NFIB: variants seen among roughly 807,000 people sequenced by gnomAD.
NFIB encodes the protein nuclear factor 1 B-type.
In NFIB, 11 loss-of-function variants were observed where a neutral mutation model predicts 61.5. That is an observed-to-expected ratio of 0.18 (90% confidence interval 0.11 to 0.30). The LOEUF (loss-of-function observed/expected upper bound fraction) is 0.30, where lower values mean the gene tolerates loss of function less well. Ranked by LOEUF, NFIB falls within the 10% of genes least tolerant of loss-of-function variation. The probability of loss-of-function intolerance (pLI) is 1.00; values close to 1 mark genes in which losing one functional copy is unlikely to be tolerated. For synonymous variants in NFIB, 260 were observed against 216.5 expected, an observed-to-expected ratio of 1.20 and a Z score of -1.76; for missense variants, 471 against 608.9, an observed-to-expected ratio of 0.77 and a Z score of 2.38.
intron 2 of NFIB, chr9:14,204,692 A>G (rs1430747110): frequency 8.1e-6 from 5 of 620,262 alleles, no homozygotes; most frequent in Non-Finnish European, 1.4e-5. Flanking sequence ...GGTGTAGAAT[A>G]AGAAAGCTCA....
At chr9:14,184,436 A>G (rs1293843299) in intron 2 of NFIB, among the ~76,000 whole-genome samples, 3 of 152,176 alleles carry the variant, frequency 2.0e-5, no homozygotes, top group South Asian at 2.1e-4. Flanking sequence ...GTTGGAAGCA[A>G]TTATTAGTAT....
intron 10 of NFIB, among the ~76,000 whole-genome samples, chr9:14,089,596 T>C (rs2033525611): frequency 6.6e-6 from 1 of 152,076 alleles, no homozygotes; most frequent in Admixed American, 6.5e-5. Context: ...CAAGAAAACA[T>C]CAAACTGACA....
intron 2 of NFIB, among the ~76,000 whole-genome samples, chr9:14,197,973 T>C (rs2048636019): frequency 6.6e-6 from 1 of 152,100 alleles, no homozygotes; most frequent in Non-Finnish European, 1.5e-5. Flanking sequence ...CAATTTTACA[T>C]GAAAAGCCAA....
chr9:14,299,734 A>G (rs2059648030), intron 2 of NFIB, among the ~76,000 whole-genome samples: 1 of 152,210 alleles, frequency 6.6e-6, no homozygotes, highest in Non-Finnish European at 1.5e-5. Context: ...TCAGTGATTC[A>G]TCAGTGCTGT....
At chr9:14,394,849 G>C (rs2061664004) in intron 1 of NFIB, among the ~76,000 whole-genome samples, 1 of 152,120 alleles carries the variant, frequency 6.6e-6, no homozygotes, top group Non-Finnish European at 1.5e-5. Flanking sequence ...TATCATTGCA[G>C]TCCTTGTTTA....
the NFIB span, among the ~76,000 whole-genome samples, chr9:14,510,069 T>C: frequency 6.6e-6 from 1 of 152,122 alleles, no homozygotes; most frequent in African/African-American, 2.4e-5. Flanking sequence ...ATAATTTTTA[T>C]ATTGTTAGTA....
At chr9:14,384,098 C>A (rs1182295872) in intron 1 of NFIB, among the ~76,000 whole-genome samples, 8 of 152,182 alleles carry the variant, frequency 5.3e-5, no homozygotes, top group Admixed American at 5.2e-4. Flanking sequence ...TTCTTTGCAC[C>A]TTCTTTTAAA....
At chr9:14,200,464 C>T (rs1198314779) in intron 2 of NFIB, among the ~76,000 whole-genome samples, 1 of 152,174 alleles carries the variant, frequency 6.6e-6, no homozygotes, top group Non-Finnish European at 1.5e-5. Flanking sequence ...AATCCTCATG[C>T]CCAACACTAG....
intron 10 of NFIB, among the ~76,000 whole-genome samples, chr9:14,090,915 T>C (rs1477445538): frequency 6.6e-6 from 1 of 152,068 alleles, no homozygotes; most frequent in Non-Finnish European, 1.5e-5. Flanking sequence ...TCTTACTCAG[T>C]TCTTTAGAAG....
At chr9:14,447,394 T>A in the NFIB span, among the ~76,000 whole-genome samples, 1 of 152,178 alleles carries the variant, frequency 6.6e-6, no homozygotes, top group Non-Finnish European at 1.5e-5. Context: ...AAAGAAGATG[T>A]GTTCTTTAGA....
the NFIB span, among the ~76,000 whole-genome samples, chr9:14,481,636 T>G: frequency 1.3e-5 from 2 of 152,240 alleles, no homozygotes; most frequent in East Asian, 3.9e-4. Flanking sequence ...AAAATTTGCC[T>G]GACCACCTGC....
intron 3 of NFIB, among the ~76,000 whole-genome samples, chr9:14,167,225 G>A (rs912546750): frequency 6.6e-6 from 1 of 152,104 alleles, no homozygotes. Context: ...CTTGAGTGTG[G>A]TACTGATTTC....
In NFIB at chr9:14,120,452, T is replaced by C. The variant is rs2038773400; in HGVS notation, c.1233A>G (p.Pro411=). The change falls in exon 8 of 11, where the codon CCA becomes CCG. Residue 411 remains proline, a synonymous_variant. Transcript: ENST00000380953. The surrounding 1 kb of genome is among the most constrained non-coding windows in gnomAD (Gnocchi z 4.4). ...CTCTTATTTTTACCTGGCTGGTTTGTGGACTGGATGGGTCATAAGAAGGTA... is the reference window on the plus strand; with the variant it reads ...CTCTTATTTTTACCTGGCTGGTTTGCGGACTGGATGGGTCATAAGAAGGTA... ...NYVPSYDPSS[P]QTSQPNGSGQ... 6.2e-7 allele frequency: 1 copy of C among 1,614,146 alleles called. No homozygotes were observed. The highest frequency in any genetic ancestry group is 8.5e-7 in the Non-Finnish European group (1 of 1,180,002).
intron 1 of NFIB, among the ~76,000 whole-genome samples, chr9:14,385,775 C>T (rs970900855): frequency 5.3e-5 from 8 of 151,496 alleles, no homozygotes; most frequent in Non-Finnish European, 1.0e-4. Context: ...ATCAGAGACA[C>T]AGTGGAATCT....
intron 1 of NFIB, among the ~76,000 whole-genome samples, chr9:14,395,404 G>A (rs1289689726): frequency 6.6e-6 from 1 of 151,998 alleles, no homozygotes; most frequent in African/African-American, 2.4e-5. Context: ...GTGATTGGGG[G>A]TTGGGGAGAA....
intron 2 of NFIB, among the ~76,000 whole-genome samples, chr9:14,206,955 C>T (rs1054072082): frequency 6.6e-6 from 1 of 152,182 alleles, no homozygotes; most frequent in African/African-American, 2.4e-5. Context: ...CTATTCCATA[C>T]ATTGTATGTG....
chr9:14,273,594 G>C (rs1476408960), intron 2 of NFIB, among the ~76,000 whole-genome samples: 1 of 152,064 alleles, frequency 6.6e-6, no homozygotes, highest in African/African-American at 2.4e-5. Flanking sequence ...CGCCTAAAAA[G>C]TAAATAAATT....
chr9:14,460,246 T>A, the NFIB span, among the ~76,000 whole-genome samples: 1 of 152,028 alleles, frequency 6.6e-6, no homozygotes, highest in Non-Finnish European at 1.5e-5. Context: ...GAAACCATGA[T>A]TCTCAGCAAA....
intron 2 of NFIB, among the ~76,000 whole-genome samples, chr9:14,263,080 T>C (rs1337059159): frequency 6.6e-6 from 1 of 152,200 alleles, no homozygotes; most frequent in Non-Finnish European, 1.5e-5. Flanking sequence ...CCTGCCATAT[T>C]GTTTAAACAT....
Sources: allele counts gnomAD v4.1 joint callset (sites outside exome capture counted in the v4.1 genomes callset), GRCh38; gene constraint gnomAD v4.1.1; non-coding constraint Gnocchi (gnomAD v3.1); transcripts MANE v1.5; gene names NCBI Gene and HGNC (gene_info 2026-07-23, HGNC 2026-07-21).